The following SPATA33 variants were observed in gnomAD, a reference collection of about 807,000 sequenced individuals.
SPATA33 encodes spermatogenesis associated 33.
SPATA33 carries 10 observed loss-of-function variants against 8.9 expected under a neutral mutation model. The observed-to-expected ratio is 1.12, with a 90% CI of 0.69 to 1.90. The LOEUF (loss-of-function observed/expected upper bound fraction) is 1.90. Among genes scored for constraint, SPATA33 ranks in the 40% most tolerant of loss-of-function variants. The pLI, the probability that SPATA33 is intolerant of heterozygous loss-of-function variation, is 0.00. For missense variants in SPATA33, 241 were observed against 178.3 expected (o/e 1.35, Z -2.00); for synonymous variants, 96 against 72.8 (o/e 1.32, Z -1.63).
chr16:89,660,938 T>G (rs975285979), intron 2 of SPATA33: 3 of 1,020,638 alleles, frequency 2.9e-6, no homozygotes, highest in Non-Finnish European at 3.5e-6. Context: ...GGCATGCACC[T>G]CAGGGGGAGC....
chr16:89,660,365 G>GA (rs1175476076), intron 2 of SPATA33: 4 of 781,274 alleles, frequency 5.1e-6, no homozygotes, highest in Non-Finnish European at 5.2e-6. Flanking sequence ...GGAGTGGGCA[G>GA]GACCTCTGCC....
intron 2 of SPATA33, among the ~76,000 whole-genome samples, chr16:89,663,455 C>G (rs562494247): frequency 5.9e-5 from 9 of 152,112 alleles, no homozygotes; most frequent in African/African-American, 2.2e-4. Context: ...TCAGGTGATC[C>G]GCTTGCCTCA....
chr16:89,670,417 G>A lies in SPATA33; in HGVS notation c.*920G>A. On this transcript the variant is annotated 3_prime_UTR_variant, in exon 3 of 3. Coordinates refer to ENST00000579310, the MANE Select transcript of SPATA33 (RefSeq NM_001271907.2). Reference sequence around the variant, plus strand: ...GTGACTGGCTCAGAGAGCGAGCTTTGTGGTATTGATAAATGAATAAATTAG... The same window carrying A: ...GTGACTGGCTCAGAGAGCGAGCTTTATGGTATTGATAAATGAATAAATTAG... 1 of 152,328 alleles carries A rather than the reference G, an allele frequency of 6.6e-6. No homozygotes were observed. The highest frequency in any genetic ancestry group is 1.9e-4 in the East Asian group (1 of 5,206). 9.4% of individuals were successfully genotyped at this position (152,328 alleles called of 1,614,324 possible). A position where few individuals can be genotyped will look rare whatever the true frequency, so the allele number is the denominator to read the frequency against.
intron 1 of SPATA33, 119 bp downstream of exon 1, chr16:89,658,067 C>T (rs1403022131): frequency 6.1e-6 from 9 of 1,464,812 alleles, no homozygotes; most frequent in Non-Finnish European, 3.6e-6. Context: ...CGGTGCGAAC[C>T]GTTCCTGCCG....
chr16:89,662,960 A>C (rs1157894596), intron 2 of SPATA33, among the ~76,000 whole-genome samples: 1 of 148,538 alleles, frequency 6.7e-6, no homozygotes, highest in Non-Finnish European at 1.5e-5. Flanking sequence ...TGCCTGGGTA[A>C]TTTTTGTATT....
rs545366512 is a variant in SPATA33 at position 89,663,039 on chromosome 16, G to A, written c.211+4618G>A. On this transcript the variant is annotated intron_variant, in intron 2 of 2. Coordinates refer to ENST00000579310, the MANE Select transcript of SPATA33 (RefSeq NM_001271907.2). ...AAACTCCTGACTTTGTGAACCACCC[G>A]CCTCAGCCTCCCAAAGTGCCAGTGT... Among the ~76,000 whole-genome samples, 70 of 150,666 alleles carry A rather than the reference G, an allele frequency of 4.6e-4. 1 individual carries two copies. The highest frequency in any genetic ancestry group is 7.5e-4 in the Non-Finnish European group (51 of 67,728).
chr16:89,667,134 C>T (rs2060036747), intron 2 of SPATA33, among the ~76,000 whole-genome samples: 1 of 152,200 alleles, frequency 6.6e-6, no homozygotes, highest in African/African-American at 2.4e-5. Context: ...GGGTGTTTTT[C>T]CTTGACACTG....
At chr16:89,664,353 C>T (rs113184090) in intron 2 of SPATA33, among the ~76,000 whole-genome samples, 4 of 152,232 alleles carry the variant, frequency 2.6e-5, no homozygotes, top group South Asian at 2.1e-4. Context: ...TGGCAGGACT[C>T]AAGACAGCCC....
intron 2 of SPATA33, among the ~76,000 whole-genome samples, chr16:89,666,460 C>G (rs1024829384): frequency 6.6e-6 from 1 of 151,948 alleles, no homozygotes; most frequent in Non-Finnish European, 1.5e-5. Context: ...CCTGAGAGTT[C>G]GAGACCAGCC....
intron 2 of SPATA33, chr16:89,659,191 A>G (rs2059930225): frequency 6.6e-6 from 1 of 152,258 alleles, no homozygotes. Context: ...GTCTGTGCCT[A>G]CCAACAGGGG....
chr16:89,658,748 C>T, intron 2 of SPATA33: 1 of 385,692 alleles, frequency 2.6e-6, no homozygotes. Context: ...ATCCCTGAGC[C>T]TCCGCACACT....
chr16:89,669,359 G>A lies in SPATA33; in HGVS notation c.285G>A (p.Ser95=), dbSNP rs200359240. 4.6e-4 allele frequency: 744 copies of A among 1,614,132 alleles called. 3 individuals are homozygous for A. The South Asian group carries it at 6.9e-3, about 15-fold the overall frequency. Residue 95 remains serine, a synonymous_variant, in exon 3 of 3, where the codon TCG becomes TCA. Coordinates refer to ENST00000579310, the MANE Select transcript of SPATA33 (RefSeq NM_001271907.2). ...CACAGATCATCATCACGCGAGCGTC[G>A]AATGAGACGCTAGTCAGTTGCAGTT... ...VVPQIIITRA[S]NETLVSCSSS...
Position 89,670,222 on chromosome 16 carries a change from G to A in SPATA33, c.*725G>A, listed in dbSNP as rs1006309395. The A allele has an allele frequency of 6.7e-6, 1 of 149,516 alleles. No individual in the cohort carries two copies. Among genetic ancestry groups the A allele is most frequent in the African/African-American group, 2.5e-5 (1 of 39,914 alleles). The allele number at this position is 149,516 out of a possible 1,614,324, so 9.3% of individuals were successfully genotyped here. A position where few individuals can be genotyped will look rare whatever the true frequency, so the allele number is the denominator to read the frequency against. On this transcript the variant is annotated 3_prime_UTR_variant, in exon 3 of 3. Transcript: ENST00000579310. ...GCAGCCCCCTTCTCCAGTGCTCTGG[G>A]GGAGGGTGCACCAGGCCTGCCCACC...
chr16:89,667,763 G>C (rs2060045474), intron 2 of SPATA33, among the ~76,000 whole-genome samples: 1 of 152,256 alleles, frequency 6.6e-6, no homozygotes, highest in African/African-American at 2.4e-5. Context: ...GCAGGCAGAG[G>C]GGGAGGCCAA....
intron 2 of SPATA33, among the ~76,000 whole-genome samples, chr16:89,662,149 C>A (rs767148579): frequency 1.7e-4 from 26 of 152,014 alleles, no homozygotes; most frequent in Non-Finnish European, 3.8e-4. Flanking sequence ...AAAAAATTAG[C>A]TGGGTGTGGT....
chr16:89,663,050 C>T (rs971730946), intron 2 of SPATA33, among the ~76,000 whole-genome samples: 1 of 151,636 alleles, frequency 6.6e-6, no homozygotes, highest in African/African-American at 2.4e-5. Context: ...CCTCAGCCTC[C>T]CAAAGTGCCA....
rs564940306 is a variant in SPATA33 at position 89,658,634 on chromosome 16, T to C, written c.211+213T>C. 5 of 665,062 alleles carry C rather than the reference T, an allele frequency of 7.5e-6. No homozygotes were observed. In the African/African-American group the frequency reaches 9.1e-5, roughly 12 times the overall value. 41.2% of individuals were successfully genotyped at this position (665,062 alleles called of 1,614,324 possible). On this transcript the variant is annotated intron_variant, in intron 2 of 2. Transcript: ENST00000579310. Reference sequence around the variant, plus strand: ...AAGTTTAATGAAAATGTAGGTCAGTTCCCGAGTGATAAGTGCGTACCAGGT... The same window carrying C: ...AAGTTTAATGAAAATGTAGGTCAGTCCCCGAGTGATAAGTGCGTACCAGGT...
rs1444109438 is a variant in SPATA33 at position 89,657,863 on chromosome 16, G to A, written c.-49G>A. The A allele has an allele frequency of 9.9e-6, 15 of 1,510,532 alleles. No individual in the cohort carries two copies. The highest frequency in any genetic ancestry group is 1.8e-6 in the Non-Finnish European group (2 of 1,136,870). The allele number at this position is 1,510,532 out of a possible 1,614,324, so 93.6% of individuals were successfully genotyped here. ...GAGTCGCTCCCGGCTCCGCGGCCGC[G>A]GAGGTGTGGGGACCCGGGCTTGCGT... On this transcript the variant is annotated 5_prime_UTR_variant, in exon 1 of 3. Transcript: ENST00000579310.
chr16:89,658,216 C>G (rs754363226), intron 1 of SPATA33, 32 bp from the exon 2 acceptor site: 1 of 1,612,868 alleles, frequency 6.2e-7, no homozygotes, highest in Admixed American at 1.7e-5. Flanking sequence ...TTCGGTAAGT[C>G]CCGGGTCTAA....
Sources: gnomAD v4.1 joint callset for allele counts (sites outside exome capture counted in the v4.1 genomes callset) on GRCh38, gnomAD v4.1.1 for gene constraint, MANE v1.5 for transcripts, NCBI Gene and HGNC (gene_info 2026-07-23, HGNC 2026-07-21) for gene names.